XPOT: variants seen among roughly 807,000 people sequenced by gnomAD.
XPOT encodes exportin for tRNA, also known as exportin-T.
XPOT carries 34 observed loss-of-function variants against 128.2 expected under a neutral mutation model. The ratio of observed to expected loss-of-function variants is 0.27; its 90% CI spans 0.20 to 0.35. XPOT has a LOEUF of 0.35. Ranked by LOEUF, XPOT falls within the 10% of genes least tolerant of loss-of-function variation. XPOT has a pLI of 1.00. For missense variants in XPOT, 838 were observed against 1,125.3 expected (o/e 0.74, Z 3.65); for synonymous variants, 348 against 394.3 (o/e 0.88, Z 1.39).
At position 64,416,726 on chromosome 12, in the gene XPOT, C is replaced by G. The variant is rs1353750401; in HGVS notation, c.172C>G (p.Gln58Glu). 1.2e-6 allele frequency: 2 copies of G among 1,613,286 alleles called. No homozygotes were observed. Among genetic ancestry groups the G allele is most frequent in the Non-Finnish European group, 8.5e-7 (1 of 1,179,658 alleles). ...SDDHVKFFCF[Q>E]VLEHQVKYKY... The stretch of plus-strand genomic sequence containing the variant: ...TGATCATGTGAAGTTTTTCTGCTTT[C>G]AAGTACTGGAACATCAAGTTAAATA... Residue 58 changes from glutamine (Q) to glutamate (E), a missense_variant, in exon 4 of 25, where the codon CAA becomes GAA. This residue lies in a region of XPOT where 761 missense variants were observed against 988.3 expected (regional missense o/e 0.77). Coordinates refer to ENST00000332707, the MANE Select transcript of XPOT (RefSeq NM_007235.6).
chr12:64,444,155 ATTTTC>A (rs1269611671), intron 23 of XPOT, among the ~76,000 whole-genome samples: 1 of 152,080 alleles, frequency 6.6e-6, no homozygotes, highest in Non-Finnish European at 1.5e-5. Flanking sequence ...CTCTATTAGA[ATTTTC>A]TTTTCTTTTG....
intron 17 of XPOT, 85 bp from the exon 18 acceptor site, chr12:64,431,453 A>G: frequency 7.3e-7 from 1 of 1,364,562 alleles, no homozygotes; most frequent in Non-Finnish European, 1.0e-6. Flanking sequence ...TTAATTTTGT[A>G]ATTTGTTGTG....
At chr12:64,410,870 A>T (rs539874610) in intron 2 of XPOT, among the ~76,000 whole-genome samples, 100 of 152,300 alleles carry the variant, frequency 6.6e-4, no homozygotes, top group African/African-American at 2.3e-3. Flanking sequence ...GGCATTTGGA[A>T]CTATAGGGTA....
At chr12:64,420,656 G>A in intron 8 of XPOT, 135 bp downstream of exon 8, 1 of 653,136 alleles carries the variant, frequency 1.5e-6, no homozygotes, top group Non-Finnish European at 2.5e-6. Flanking sequence ...ATAAACCACT[G>A]CATCTAGCCA....
rs563072769 is a variant in XPOT, at chr12:64,430,070, C to T, written c.1759C>T (p.Leu587=). The change falls in exon 17 of 25, where the codon CTG becomes TTG. Residue 587 remains leucine, a synonymous_variant. Coordinates refer to ENST00000332707, the MANE Select transcript of XPOT (RefSeq NM_007235.6). ...CTAGGAGAATGGCCACCAGTCCTTA[C>T]TGAGCAGCGATGATCAACTTTTTAT... ...SPPENGHQSL[L]SSDDQLFIYE... 9 of 1,604,958 alleles carry T rather than the reference C, an allele frequency of 5.6e-6. No individual in the cohort carries two copies. The Admixed American group carries it at 1.4e-4, about 25-fold the overall frequency.
At chr12:64,427,382 A>T (rs537874223) in intron 15 of XPOT, among the ~76,000 whole-genome samples, 48 of 151,998 alleles carry the variant, frequency 3.2e-4, no homozygotes, top group African/African-American at 1.1e-3. Context: ...CAGCCTCCCA[A>T]AGTGCTGGTA....
chr12:64,413,374 AC>A (rs2040058208), intron 2 of XPOT, among the ~76,000 whole-genome samples: 1 of 151,292 alleles, frequency 6.6e-6, no homozygotes, highest in African/African-American at 2.4e-5. Flanking sequence ...TCCCACCTTG[AC>A]CCCCCAGAGT....
chr12:64,436,974 T>C (rs1034557422), intron 22 of XPOT, among the ~76,000 whole-genome samples: 6 of 152,160 alleles, frequency 3.9e-5, no homozygotes, highest in Non-Finnish European at 5.9e-5. Flanking sequence ...CTCAAAGCCA[T>C]AGAATGCCAG....
rs945721923 is a variant in XPOT, at chr12:64,450,319, A to T, written c.*2188A>T. ...GGTGTGCACCACCACACCCAGCTAC[A>T]TTTTTTTTTGGTAGAGACAGGGTCT... On this transcript the variant is annotated 3_prime_UTR_variant, in exon 25 of 25. Transcript: ENST00000332707. 6 of 150,838 alleles carry T rather than the reference A, an allele frequency of 4.0e-5. No individual in the cohort carries two copies. Among genetic ancestry groups the T allele is most frequent in the Admixed American group, 3.3e-4 (5 of 15,118 alleles). 9.3% of individuals were successfully genotyped at this position (150,838 alleles called of 1,614,324 possible). A position where few individuals can be genotyped will look rare whatever the true frequency, so the allele number is the denominator to read the frequency against.
At chr12:64,407,239 C>T (rs956346499) in intron 1 of XPOT, among the ~76,000 whole-genome samples, 1 of 152,092 alleles carries the variant, frequency 6.6e-6, no homozygotes, top group African/African-American at 2.4e-5. Context: ...AATCCCAGCA[C>T]TTTGGGAGGC....
At chr12:64,441,679 T>C (rs1413837685) in intron 23 of XPOT, among the ~76,000 whole-genome samples, 1 of 152,164 alleles carries the variant, frequency 6.6e-6, no homozygotes, top group Non-Finnish European at 1.5e-5. Context: ...TTTAAAATTT[T>C]TTAAATTTAT....
intron 17 of XPOT, 139 bp downstream of exon 17, chr12:64,430,426 T>G: frequency 2.6e-6 from 2 of 755,870 alleles, no homozygotes; most frequent in Non-Finnish European, 4.1e-6. Context: ...CCAAATCCAG[T>G]CAGTTAGATT....
intron 3 of XPOT, among the ~76,000 whole-genome samples, chr12:64,415,530 A>G (rs764439526): frequency 2.6e-5 from 4 of 151,878 alleles, no homozygotes; most frequent in Non-Finnish European, 4.4e-5. Flanking sequence ...GCCCATCACC[A>G]TGCCCGGCTA....
At chr12:64,433,640 G>A (rs1207118376) in intron 19 of XPOT, 37 bp downstream of exon 19, 1 of 1,545,768 alleles carries the variant, frequency 6.5e-7, no homozygotes, top group Non-Finnish European at 8.8e-7. Context: ...GTCTGCTTAA[G>A]TCTGTGTCAC....
At chr12:64,425,549 G>T (rs1423129392) in intron 14 of XPOT, 92 bp downstream of exon 14, 1 of 1,486,118 alleles carries the variant, frequency 6.7e-7, no homozygotes, top group Non-Finnish European at 9.1e-7. Context: ...ACTTTTCTCA[G>T]AATCAAAACC....
intron 19 of XPOT, 97 bp downstream of exon 19, chr12:64,433,700 T>C: frequency 1.6e-6 from 2 of 1,281,544 alleles, no homozygotes; most frequent in Non-Finnish European, 2.1e-6. Flanking sequence ...TACAGAAATT[T>C]TGAAGTTTGC....
intron 1 of XPOT, among the ~76,000 whole-genome samples, chr12:64,409,276 A>T (rs2040012807): frequency 6.6e-6 from 1 of 152,346 alleles, no homozygotes; most frequent in African/African-American, 2.4e-5. Flanking sequence ...TGTCATTTTT[A>T]TACTTAACTG....
chr12:64,425,465 C>G lies in XPOT; in HGVS notation c.1572+8C>G. 6.2e-7 allele frequency: 1 copy of G among 1,612,226 alleles called. No homozygotes were observed. The highest frequency in any genetic ancestry group is 8.5e-7 in the Non-Finnish European group (1 of 1,179,380). On this transcript the variant is annotated splice_region_variant and intron_variant, in intron 14 of 24. Transcript: ENST00000332707. ...CACATTCCATGTGTACTAGTAAGTA[C>G]TCTGGATTTTTGTTACTTTCCATGG... is the stretch of plus-strand genomic sequence containing the variant.
intron 24 of XPOT, among the ~76,000 whole-genome samples, chr12:64,446,753 C>A (rs2136042769): frequency 6.6e-6 from 1 of 152,044 alleles, no homozygotes; most frequent in African/African-American, 2.4e-5. Flanking sequence ...ATGAACTGTA[C>A]CCATTTCTCT....
Sources: allele counts gnomAD v4.1 joint callset (sites outside exome capture counted in the v4.1 genomes callset), GRCh38; gene constraint gnomAD v4.1.1; regional missense constraint gnomAD v4.1.1; transcripts MANE v1.5; gene names NCBI Gene and HGNC (gene_info 2026-07-23, HGNC 2026-07-21).